Variants in SPTBN1 observed in about 807,000 individuals in gnomAD.
The protein encoded by SPTBN1 is spectrin beta chain, non-erythrocytic 1.
In SPTBN1, 32 loss-of-function variants were observed where a neutral mutation model predicts 266.4. The ratio of observed to expected loss-of-function variants is 0.12; its 90% CI spans 0.09 to 0.16. The LOEUF (loss-of-function observed/expected upper bound fraction) is 0.16. SPTBN1 is among the 10% of genes least tolerant of loss of function. The pLI, the probability that SPTBN1 is intolerant of heterozygous loss-of-function variation, is 1.00. For missense variants in SPTBN1, 2,296 were observed against 3,067.1 expected (o/e 0.75, Z 5.94); for synonymous variants, 1,336 against 1,162.2 (o/e 1.15, Z -3.04).
chr2:54,629,522 C>T lies in SPTBN1; in HGVS notation c.2388C>T (p.Tyr796=), dbSNP rs1678586009. The stretch of plus-strand genomic sequence containing the variant: ...ACGTGGCGGAAGAGATCGCCAATTA[C>T]AGGCCCACCCTTGACACGCTGCACG... ...HKDVAEEIAN[Y]RPTLDTLHEQ... Residue 796 remains tyrosine, a synonymous_variant, in exon 14 of 36, where the codon TAC becomes TAT. Transcript: ENST00000356805. 1 of 1,614,124 alleles carries T rather than the reference C, an allele frequency of 6.2e-7. No individual in the cohort carries two copies. Among genetic ancestry groups the T allele is most frequent in the Non-Finnish European group, 8.5e-7 (1 of 1,180,042 alleles).
intron 3 of SPTBN1, among the ~76,000 whole-genome samples, chr2:54,607,563 G>T (rs1028836159): frequency 1.1e-4 from 17 of 152,100 alleles, no homozygotes; most frequent in African/African-American, 4.1e-4. Context: ...CAGAGATTGC[G>T]GTGAGATCGT....
rs1031381103 is a variant in SPTBN1, at chr2:54,647,236, C to A, written c.4972C>A (p.Leu1658Met). 3 of 1,613,926 alleles carry A rather than the reference C, an allele frequency of 1.9e-6. No homozygotes were observed. The African/African-American group carries it at 4.0e-5, about 22-fold the overall frequency. ...VHQLSKTSRA[L>M]VADSHPESER... is the part of the protein sequence containing the mutation. Reference sequence around the variant, plus strand: ...TCAGCTCTCCAAGACCAGCCGGGCCCTGGTGGCCGACAGCCATCCTGAAAG... The same window carrying A: ...TCAGCTCTCCAAGACCAGCCGGGCCATGGTGGCCGACAGCCATCCTGAAAG... The change falls in exon 24 of 36, where the codon CTG (leucine) becomes ATG (methionine). Residue 1658 changes from leucine to methionine, a missense_variant. Around this residue, in one of 12 missense-constraint regions of SPTBN1, gnomAD observed 644 missense variants for 745.3 expected, o/e 0.86. Transcript: ENST00000356805.
At chr2:54,598,608 C>T (rs1378082185) in intron 2 of SPTBN1, among the ~76,000 whole-genome samples, 1 of 152,172 alleles carries the variant, frequency 6.6e-6, no homozygotes, top group Non-Finnish European at 1.5e-5. Flanking sequence ...AGATTTCCTA[C>T]CCTACACCCT....
chr2:54,659,018 C>T (rs996618520), intron 30 of SPTBN1, 136 bp from the exon 31 acceptor site: 45 of 818,256 alleles, frequency 5.5e-5, no homozygotes, highest in Non-Finnish European at 7.6e-5. Context: ...CCATTTGGCT[C>T]AGGATGTTAG....
At chr2:54,491,945 A>G (rs1218150438) in intron 1 of SPTBN1, among the ~76,000 whole-genome samples, 1 of 152,152 alleles carries the variant, frequency 6.6e-6, no homozygotes, top group Non-Finnish European at 1.5e-5. Flanking sequence ...GGCTTTGCAA[A>G]TAGGCCCTTA....
intron 2 of SPTBN1, among the ~76,000 whole-genome samples, chr2:54,562,615 C>A (rs1250917066): frequency 2.1e-5 from 3 of 146,162 alleles, no homozygotes; most frequent in African/African-American, 7.8e-5. Flanking sequence ...ACTGCAACCT[C>A]TGCCTCCCAG....
intron 35 of SPTBN1, 102 bp downstream of exon 35, chr2:54,667,748 G>C (rs931370886): frequency 1.8e-6 from 2 of 1,100,102 alleles, no homozygotes. Flanking sequence ...ATGATGATCA[G>C]TGATGGTTTC....
Position 54,646,426 on chromosome 2 carries a change from C to A in SPTBN1, c.4817C>A (p.Ala1606Asp). 1 of 1,590,180 alleles carries A rather than the reference C, an allele frequency of 6.3e-7. No homozygotes were observed. The highest frequency in any genetic ancestry group is 8.6e-7 in the Non-Finnish European group (1 of 1,168,380). Residue 1606 changes from alanine (A) to aspartate (D), a missense_variant, in exon 23 of 36, where the codon GCC becomes GAC. By Grantham distance (126) the Ala-to-Asp change is moderately radical (BLOSUM62 -2). Transcript: ENST00000356805. This position sits in a 1 kb window ranked among gnomAD's most constrained non-coding sequence, Gnocchi z 4.4. ...QYYFDAAEAEAWMSEQELYMM... is the reference protein window; with the variant it reads ...QYYFDAAEAEDWMSEQELYMM... Reference sequence around the variant, plus strand: ...TACTTTGACGCTGCTGAGGCCGAAGCCTGGATGAGCGAGCAGGAGCTGTAC... The same window carrying A: ...TACTTTGACGCTGCTGAGGCCGAAGACTGGATGAGCGAGCAGGAGCTGTAC...
chr2:54,548,963 TC>T (rs1672406786), intron 2 of SPTBN1, among the ~76,000 whole-genome samples: 1 of 152,172 alleles, frequency 6.6e-6, no homozygotes, highest in African/African-American at 2.4e-5. Flanking sequence ...TTTTAACTGT[TC>T]CTTAAAGATA....
intron 1 of SPTBN1, among the ~76,000 whole-genome samples, chr2:54,472,964 A>T (rs891026704): frequency 6.6e-6 from 1 of 152,236 alleles, no homozygotes; most frequent in Non-Finnish European, 1.5e-5. Context: ...AGATGATATT[A>T]ACAGATATGT....
rs1157851661 is a variant in SPTBN1, at chr2:54,622,566, C to T, written c.1064+79C>T. 22 of 1,500,928 alleles carry T rather than the reference C, an allele frequency of 1.5e-5. No homozygotes were observed. In the East Asian group the frequency reaches 4.5e-4, roughly 31 times the overall value. 93.0% of individuals were successfully genotyped at this position (1,500,928 alleles called of 1,614,324 possible). On this transcript the variant is annotated intron_variant, in intron 9 of 35. Coordinates refer to ENST00000356805, the MANE Select transcript of SPTBN1 (RefSeq NM_003128.3). ...CCAACAGATCCCTATGTTCTGATTT[C>T]TGTAATCTCATCTCTTAACTGAATG...
chr2:54,458,411 T>A (rs528601544), intron 1 of SPTBN1, among the ~76,000 whole-genome samples: 1 of 152,330 alleles, frequency 6.6e-6, no homozygotes, highest in African/African-American at 2.4e-5. Context: ...TAAGGATTAT[T>A]AGGTGTATGA....
At chr2:54,582,185 A>G (rs1042574813) in intron 2 of SPTBN1, among the ~76,000 whole-genome samples, 2 of 152,194 alleles carry the variant, frequency 1.3e-5, no homozygotes, top group Non-Finnish European at 2.9e-5. Context: ...ACATTACAAA[A>G]CTAGTTTTCT....
At chr2:54,571,939 A>T (rs1415538057) in intron 2 of SPTBN1, among the ~76,000 whole-genome samples, 1 of 151,996 alleles carries the variant, frequency 6.6e-6, no homozygotes, top group Non-Finnish European at 1.5e-5. Flanking sequence ...CTAAACTAAA[A>T]CTCCAGGAAG....
rs972624252 is a variant in SPTBN1 at position 54,599,020 on chromosome 2, G to A, written c.149-72G>A. On this transcript the variant is annotated intron_variant, in intron 2 of 35. Transcript: ENST00000356805. ...GACCTTCCTCTGGCTGGGGTCTTGT[G>A]GCCCTGCTAGCATGTGCCTGCTCCT... 1.0e-5 allele frequency: 16 copies of A among 1,557,746 alleles called. 1 individual carries two copies. In the South Asian group the frequency reaches 1.6e-4, roughly 15 times the overall value.
At chr2:54,597,997 T>C (rs1676215692) in intron 2 of SPTBN1, among the ~76,000 whole-genome samples, 1 of 150,182 alleles carries the variant, frequency 6.7e-6, no homozygotes. Flanking sequence ...GTATGTAACA[T>C]AGAGAACAGA....
chr2:54,646,160 G>C lies in SPTBN1; in HGVS notation c.4585-34G>C. ...ATAAGCAGCAGACGGCTGCCATTTA[G>C]CAAGCCTTTGTGTGTATTTTCCGCT... On this transcript the variant is annotated intron_variant, in intron 22 of 35. Coordinates refer to ENST00000356805, the MANE Select transcript of SPTBN1 (RefSeq NM_003128.3). This position sits in a 1 kb window ranked among gnomAD's most constrained non-coding sequence, Gnocchi z 4.4. The C allele has an allele frequency of 6.3e-7, 1 of 1,592,808 alleles. No homozygotes were observed. The highest frequency in any genetic ancestry group is 8.6e-7 in the Non-Finnish European group (1 of 1,168,224).
intron 19 of SPTBN1, 74 bp from the exon 20 acceptor site, chr2:54,644,249 G>A (rs932524285): frequency 2.6e-6 from 4 of 1,540,486 alleles, no homozygotes; most frequent in African/African-American, 1.4e-5. Flanking sequence ...AAATGTCCTA[G>A]GTTTGTTTTT....
intron 1 of SPTBN1, among the ~76,000 whole-genome samples, chr2:54,514,122 C>T (rs371472904): frequency 6.6e-6 from 1 of 152,166 alleles, no homozygotes; most frequent in African/African-American, 2.4e-5. Context: ...TGTAATATCA[C>T]TGTTCCTTGT....
Sources: allele counts gnomAD v4.1 joint callset (sites outside exome capture counted in the v4.1 genomes callset), GRCh38; gene constraint gnomAD v4.1.1; regional missense constraint gnomAD v4.1.1; non-coding constraint Gnocchi (gnomAD v3.1); transcripts MANE v1.5; gene names NCBI Gene and HGNC (gene_info 2026-07-23, HGNC 2026-07-21).